Variants in TTYH3 observed in about 807,000 individuals in gnomAD.
TTYH3 encodes tweety family member 3, also known as protein tweety homolog 3.
TTYH3 carries 23 observed loss-of-function variants against 68.2 expected under a neutral mutation model. That is an observed-to-expected ratio of 0.34 (90% CI 0.24 to 0.48). The LOEUF is 0.48. Among genes scored for constraint, TTYH3 ranks in the 20% least tolerant of loss-of-function variants. TTYH3 has a pLI of 0.99. For missense variants in TTYH3, 768 were observed against 727.7 expected (o/e 1.06, Z -0.64); for synonymous variants, 360 against 332.8 (o/e 1.08, Z -0.89).
At chr7:2,655,968 G>A (rs1028698235) in intron 9 of TTYH3, 124 bp from the exon 10 acceptor site, 5 of 733,114 alleles carry the variant, frequency 6.8e-6, no homozygotes, top group Middle Eastern at 3.9e-4. Flanking sequence ...CCCCAGGGTG[G>A]GGGGTATCTC....
rs1785953421 is a variant in TTYH3 at position 2,645,401 on chromosome 7, T to C, written c.124-1452T>C. ...GCAGTGCCAGGAGAAGGGACAGCTC[T>C]GGGGCCACGTTACCCTCCCTCCCCG... On this transcript the variant is annotated intron_variant, in intron 1 of 13. Transcript: ENST00000258796. The surrounding 1 kb of genome is among the most constrained non-coding windows in gnomAD (Gnocchi z 4.8). 5.7e-6 allele frequency: 1 copy of C among 173,936 alleles called. No homozygotes were observed. Among genetic ancestry groups the C allele is most frequent in the African/African-American group, 2.4e-5 (1 of 42,426 alleles). The allele number at this position is 173,936 out of a possible 1,614,324, so 10.8% of individuals were successfully genotyped here.
intron 8 of TTYH3, among the ~76,000 whole-genome samples, chr7:2,652,456 G>A (rs996563668): frequency 1.3e-5 from 2 of 152,200 alleles, no homozygotes; most frequent in Non-Finnish European, 2.9e-5. Context: ...CTTTCGGGGG[G>A]ACCTGCTCAA....
chr7:2,658,142 C>T lies in TTYH3; in HGVS notation c.1251-144C>T, dbSNP rs143187542. The T allele has an allele frequency of 2.6e-4, 211 of 810,924 alleles. No individual in the cohort carries two copies. The African/African-American group carries it at 3.4e-3, about 13-fold the overall frequency. The allele number at this position is 810,924 out of a possible 1,614,324, so 50.2% of individuals were successfully genotyped here. On this transcript the variant is annotated intron_variant, in intron 11 of 13. Coordinates refer to ENST00000258796, the MANE Select transcript of TTYH3 (RefSeq NM_025250.3). ...CTGGATGCAGAGCCAGGTGACCTGC[C>T]CACAGTCCCACATGGAGTGTGCACA...
At chr7:2,646,703 T>C (rs773105543) in intron 1 of TTYH3, 150 bp from the exon 2 acceptor site, 13 of 832,210 alleles carry the variant, frequency 1.6e-5, no homozygotes, top group African/African-American at 5.1e-5. Flanking sequence ...GGAGACTCCA[T>C]GCCTCACCTA....
At chr7:2,646,204 G>A (rs1785976660) in intron 1 of TTYH3, among the ~76,000 whole-genome samples, 1 of 152,152 alleles carries the variant, frequency 6.6e-6, no homozygotes, top group African/African-American at 2.4e-5. Flanking sequence ...TAGTAGAGAT[G>A]GGGTTTCGCC....
Position 2,648,973 on chromosome 7 carries a change from G to GTGGGGCCCGCAGTGGGGTT in TTYH3, c.723-587_723-586insCGCAGTGGGGTTTGGGGCC, listed in dbSNP as rs1562713947. Among the ~76,000 whole-genome samples, 214 of 99,476 alleles carry GTGGGGCCCGCAGTGGGGTT rather than the reference G, an allele frequency of 2.2e-3. 31 individuals are homozygous for GTGGGGCCCGCAGTGGGGTT. In the East Asian group the frequency reaches 0.027, roughly 13 times the overall value. The allele number at this position is 99,476 out of a possible 152,430, so 65.3% of individuals were successfully genotyped here. On this transcript the variant is annotated intron_variant, in intron 5 of 13. Coordinates refer to ENST00000258796, the MANE Select transcript of TTYH3 (RefSeq NM_025250.3). ...TGGGGTGTGGGGCCCGCAGTGGGGT[G>GTGGGGCCCGCAGTGGGGTT]TGGGGCCTGCACTGGGGTGTGTTTT... is the stretch of plus-strand genomic sequence containing the variant.
At chr7:2,653,055 T>C (rs1355897929) in intron 9 of TTYH3, 45 bp downstream of exon 9, 2 of 1,512,582 alleles carry the variant, frequency 1.3e-6, no homozygotes, top group Non-Finnish European at 1.8e-6. Flanking sequence ...GGGCTCCTCT[T>C]TTCTCAGCAT....
Position 2,658,479 on chromosome 7 carries a change from G to T in TTYH3, c.1424+20G>T. ...GTACATGTGAGTTGACGTGGGCCTA[G>T]TGGGGCCAGCGGACACGTCAGCTGC... is the stretch of plus-strand genomic sequence containing the variant. On this transcript the variant is annotated intron_variant, in intron 12 of 13. Coordinates refer to ENST00000258796, the MANE Select transcript of TTYH3 (RefSeq NM_025250.3). The T allele has an allele frequency of 6.3e-7, 1 of 1,595,020 alleles. No individual in the cohort carries two copies. Among genetic ancestry groups the T allele is most frequent in the Non-Finnish European group, 8.6e-7 (1 of 1,166,540 alleles).
chr7:2,643,862 G>A (rs1417671240), intron 1 of TTYH3, among the ~76,000 whole-genome samples: 5 of 152,164 alleles, frequency 3.3e-5, no homozygotes, highest in Non-Finnish European at 5.9e-5. Flanking sequence ...TGCTCTTCCA[G>A]TCCCCAGCTC....
chr7:2,657,349 G>A (rs545975932), intron 11 of TTYH3, among the ~76,000 whole-genome samples: 241 of 151,034 alleles, frequency 1.6e-3, no homozygotes, highest in Admixed American at 6.0e-3. Context: ...TGATGGTGAT[G>A]GTGGTGATGA....
In TTYH3 at chr7:2,663,383, T is replaced by G. The variant is rs1786543053; in HGVS notation, c.*1644T>G. On this transcript the variant is annotated 3_prime_UTR_variant, in exon 14 of 14. Coordinates refer to ENST00000258796, the MANE Select transcript of TTYH3 (RefSeq NM_025250.3). Reference sequence around the variant, plus strand: ...GCCCTGGCCTTCCTCTGTGAACCCCTCCTTTCTTTGTGCTGGTGTCTGGGA... The same window carrying G: ...GCCCTGGCCTTCCTCTGTGAACCCCGCCTTTCTTTGTGCTGGTGTCTGGGA... The G allele has an allele frequency of 6.5e-6, 1 of 152,702 alleles. No homozygotes were observed. The highest frequency in any genetic ancestry group is 2.1e-4 in the South Asian group (1 of 4,824). The allele number at this position is 152,702 out of a possible 1,614,324, so 9.5% of individuals were successfully genotyped here.
chr7:2,646,970 G>C lies in TTYH3; in HGVS notation c.241G>C (p.Ala81Pro), dbSNP rs750725489. 6.3e-7 allele frequency: 1 copy of C among 1,595,864 alleles called. No homozygotes were observed. Among genetic ancestry groups the C allele is most frequent in the Non-Finnish European group, 8.5e-7 (1 of 1,175,882 alleles). Residue 81 changes from alanine (A) to proline (P), a missense_variant, in exon 2 of 14, where the codon GCC becomes CCC. By Grantham distance (27) the Ala-to-Pro change is conservative (BLOSUM62 -1). Coordinates refer to ENST00000258796, the MANE Select transcript of TTYH3 (RefSeq NM_025250.3). ...RRRKSEEHLDADCCCTAWCVI... is the reference protein window; with the variant it reads ...RRRKSEEHLDPDCCCTAWCVI... ...GCGCAAGAGCGAGGAGCACCTGGAC[G>C]CCGACTGCTGCTGCACGGCCTGGTG...
chr7:2,656,050 G>A (rs376746757), intron 9 of TTYH3, 42 bp from the exon 10 acceptor site: 23 of 1,468,408 alleles, frequency 1.6e-5, no homozygotes, highest in Non-Finnish European at 1.9e-5. Flanking sequence ...GAGGTCCCCC[G>A]TCCAAATGAA....
rs202089411 is a variant in TTYH3 at position 2,647,284 on chromosome 7, A to G, written c.405+31A>G. On this transcript the variant is annotated intron_variant, in intron 3 of 13. Coordinates refer to ENST00000258796, the MANE Select transcript of TTYH3 (RefSeq NM_025250.3). ...TGGCCGCGGAGTTGGGGCCAGGAGC[A>G]CTCTTGCTGCTCCGGAGCCCCACGT... 2.3e-3 allele frequency: 3,581 copies of G among 1,547,264 alleles called. 39 individuals are homozygous for G. The African/African-American group carries it at 0.028, about 12-fold the overall frequency.
In TTYH3 at chr7:2,662,023, G is replaced by C. The variant is rs1786512216; in HGVS notation, c.*284G>C. ...ATCCCGGCACGCTCCCTCTGCAGAT[G>C]GTCGCCGCACCTACAAGCCCTGGCC... On this transcript the variant is annotated 3_prime_UTR_variant, in exon 14 of 14. Transcript: ENST00000258796. 5 of 575,926 alleles carry C rather than the reference G, an allele frequency of 8.7e-6. No homozygotes were observed. In the Admixed American group the frequency reaches 1.2e-4, roughly 14 times the overall value. 35.7% of individuals were successfully genotyped at this position (575,926 alleles called of 1,614,324 possible). A position where few individuals can be genotyped will look rare whatever the true frequency, so the allele number is the denominator to read the frequency against.
chr7:2,638,744 C>CG (rs1021349504), intron 1 of TTYH3, among the ~76,000 whole-genome samples: 7 of 152,174 alleles, frequency 4.6e-5, no homozygotes, highest in African/African-American at 1.7e-4. Flanking sequence ...GGGCCAGTGT[C>CG]GCTGGGAGCC....
At chr7:2,650,031 G>A (rs1786123816) in intron 7 of TTYH3, 43 bp downstream of exon 7, 1 of 1,608,506 alleles carries the variant, frequency 6.2e-7, no homozygotes, top group Admixed American at 1.7e-5. Context: ...GTTCCCCAGG[G>A]TTGGGCTGAG....
At position 2,663,651 on chromosome 7, in the gene TTYH3, C is replaced by T. The variant is rs1786549292; in HGVS notation, c.*1912C>T. The T allele has an allele frequency of 6.6e-6, 1 of 152,620 alleles. No individual in the cohort carries two copies. Among genetic ancestry groups the T allele is most frequent in the Non-Finnish European group, 1.5e-5 (1 of 68,064 alleles). The allele number at this position is 152,620 out of a possible 1,614,324, so 9.5% of individuals were successfully genotyped here. On this transcript the variant is annotated 3_prime_UTR_variant, in exon 14 of 14. Coordinates refer to ENST00000258796, the MANE Select transcript of TTYH3 (RefSeq NM_025250.3). ...TCCAGGCCTAGGGCCAGGAGAGAGG[C>T]CCTGGCACCCTGGCGTGGGTGCCCG...
chr7:2,641,837 G>C (rs532528456), intron 1 of TTYH3, among the ~76,000 whole-genome samples: 1 of 152,228 alleles, frequency 6.6e-6, no homozygotes, highest in South Asian at 2.1e-4. Flanking sequence ...GGCCTGGCGC[G>C]TTGGGTGCCG....
Sources: gnomAD v4.1 joint callset for allele counts (sites outside exome capture counted in the v4.1 genomes callset) on GRCh38, gnomAD v4.1.1 for gene constraint, Gnocchi (gnomAD v3.1) non-coding constraint, MANE v1.5 for transcripts, NCBI Gene and HGNC (gene_info 2026-07-23, HGNC 2026-07-21) for gene names.